Variants in ARHGAP24 observed in about 807,000 individuals in gnomAD.
The protein encoded by ARHGAP24 is rho GTPase-activating protein 24.
In ARHGAP24, 50 loss-of-function variants were observed where a neutral mutation model predicts 76.4. That is an observed-to-expected ratio of 0.65 (90% CI 0.52 to 0.83). The LOEUF (loss-of-function observed/expected upper bound fraction) is 0.83, where lower values mean the gene tolerates loss of function less well. Ranked by LOEUF, ARHGAP24 falls within the 40% of genes least tolerant of loss-of-function variation. The pLI is 0.00. For synonymous variants in ARHGAP24, 345 were observed against 323.3 expected (o/e 1.07, Z -0.72); for missense variants, 930 against 914.2 (o/e 1.02, Z -0.22).
At chr4:85,960,256 G>T (rs542287222) in intron 5 of ARHGAP24, among the ~76,000 whole-genome samples, 5 of 152,032 alleles carry the variant, frequency 3.3e-5, no homozygotes, top group Non-Finnish European at 5.9e-5. Flanking sequence ...TTTAGAAGGC[G>T]GTTTTAAAAT....
intron 3 of ARHGAP24, among the ~76,000 whole-genome samples, chr4:85,791,471 C>T (rs1728122910): frequency 6.6e-6 from 1 of 152,118 alleles, no homozygotes; most frequent in South Asian, 2.1e-4. Flanking sequence ...CAAATATTTC[C>T]ACCTCTCTTC....
chr4:85,905,753 A>G (rs1420235256), intron 3 of ARHGAP24, among the ~76,000 whole-genome samples: 1 of 152,212 alleles, frequency 6.6e-6, no homozygotes, highest in African/African-American at 2.4e-5. Context: ...TTGCCATAGT[A>G]GGACTGTCAG....
At chr4:85,570,372 T>G (rs895349924) in intron 1 of ARHGAP24, 150 bp from the exon 2 acceptor site, 11 of 5,948 alleles carry the variant, frequency 1.8e-3, no homozygotes, top group African/African-American at 0.012. Context: ...TTCTCTTTCT[T>G]TCTTTCTTTC....
At chr4:85,619,891 A>C (rs374709915) in intron 2 of ARHGAP24, among the ~76,000 whole-genome samples, 1 of 151,730 alleles carries the variant, frequency 6.6e-6, no homozygotes. Context: ...ATTTTTTTTC[A>C]AATGCCTTAT....
At chr4:85,966,241 C>G (rs1479103529) in intron 5 of ARHGAP24, among the ~76,000 whole-genome samples, 3 of 152,120 alleles carry the variant, frequency 2.0e-5, no homozygotes, top group Admixed American at 6.6e-5. Flanking sequence ...CCTCCCAGAG[C>G]CCTATCTCCA....
intron 1 of ARHGAP24, among the ~76,000 whole-genome samples, chr4:85,501,170 T>G (rs574870920): frequency 1.9e-4 from 29 of 152,350 alleles, no homozygotes; most frequent in Middle Eastern, 3.4e-3. Flanking sequence ...TTGTGAATAG[T>G]GCCACAATAA....
rs556814000 is a variant in ARHGAP24, at chr4:85,859,274, G to A, written c.269-64374G>A. Among the ~76,000 whole-genome samples, 34 of 151,326 alleles carry A rather than the reference G, an allele frequency of 2.2e-4. No individual in the cohort carries two copies. In the South Asian group the frequency reaches 3.0e-3, roughly 13 times the overall value. ...TGCTTGGGCTGTATGCCTTCCTTGAGAACAGCTTGGTTTCATTCGCTACAG... is the reference window on the plus strand; with the variant it reads ...TGCTTGGGCTGTATGCCTTCCTTGAAAACAGCTTGGTTTCATTCGCTACAG... On this transcript the variant is annotated intron_variant, in intron 3 of 9. Coordinates refer to ENST00000395184, the MANE Select transcript of ARHGAP24 (RefSeq NM_001025616.3).
intron 1 of ARHGAP24, among the ~76,000 whole-genome samples, chr4:85,512,800 A>G (rs915875173): frequency 2.6e-5 from 4 of 152,346 alleles, no homozygotes; most frequent in African/African-American, 9.6e-5. Flanking sequence ...CCATTCTTTG[A>G]TATATGAGAA....
intron 2 of ARHGAP24, among the ~76,000 whole-genome samples, chr4:85,689,934 C>T (rs752706238): frequency 1.5e-5 from 2 of 130,160 alleles, no homozygotes; most frequent in African/African-American, 3.5e-5. Context: ...TCATCTTTGT[C>T]TTGTTCCACT....
chr4:85,747,520 G>A (rs13150566), intron 3 of ARHGAP24, among the ~76,000 whole-genome samples: 76,638 of 151,868 alleles, frequency 0.5, 22,848 homozygotes, highest in Non-Finnish European at 0.69. Context: ...TGGCTAACGC[G>A]GTGAAACCCC....
intron 2 of ARHGAP24, among the ~76,000 whole-genome samples, chr4:85,615,551 T>C (rs1474495583): frequency 6.6e-6 from 1 of 152,170 alleles, no homozygotes; most frequent in Admixed American, 6.5e-5. Flanking sequence ...TTTCCACAAT[T>C]CTCAGTTGAC....
intron 2 of ARHGAP24, among the ~76,000 whole-genome samples, chr4:85,690,274 C>A (rs777717297): frequency 6.6e-6 from 1 of 151,892 alleles, no homozygotes; most frequent in East Asian, 1.9e-4. Flanking sequence ...AAAAAAAATT[C>A]TTTTTTATTG....
chr4:85,999,006 T>C (rs1740846117), intron 9 of ARHGAP24, among the ~76,000 whole-genome samples: 1 of 152,232 alleles, frequency 6.6e-6, no homozygotes, highest in Non-Finnish European at 1.5e-5. Context: ...ACCTTGATGA[T>C]GTATTTTAAA....
At chr4:85,786,833 G>A (rs1003723090) in intron 3 of ARHGAP24, among the ~76,000 whole-genome samples, 2 of 152,212 alleles carry the variant, frequency 1.3e-5, no homozygotes, top group Non-Finnish European at 2.9e-5. Context: ...GCCACATGCA[G>A]GTGGTTTTTC....
chr4:85,683,689 A>G (rs1723315203), intron 2 of ARHGAP24, among the ~76,000 whole-genome samples: 1 of 152,122 alleles, frequency 6.6e-6, no homozygotes, highest in Non-Finnish European at 1.5e-5. Context: ...TGTACAGCAG[A>G]TCTCTAGAGC....
intron 1 of ARHGAP24, among the ~76,000 whole-genome samples, chr4:85,520,823 G>C (rs185351157): frequency 6.6e-6 from 1 of 152,242 alleles, no homozygotes; most frequent in African/African-American, 2.4e-5. Context: ...ATTTTCTACT[G>C]CAAAGAATGA....
intron 2 of ARHGAP24, among the ~76,000 whole-genome samples, chr4:85,672,908 T>C (rs750102325): frequency 3.9e-5 from 6 of 152,204 alleles, no homozygotes; most frequent in Non-Finnish European, 5.9e-5. Context: ...ACCATAGTGG[T>C]GTAATAGCAC....
intron 4 of ARHGAP24, among the ~76,000 whole-genome samples, chr4:85,927,517 T>A (rs529855072): frequency 3.3e-5 from 5 of 152,322 alleles, no homozygotes; most frequent in Non-Finnish European, 5.9e-5. Context: ...TAAAGCTGTT[T>A]AAAAAATTCT....
chr4:85,959,204 G>T (rs760546802), intron 5 of ARHGAP24, among the ~76,000 whole-genome samples: 2 of 152,186 alleles, frequency 1.3e-5, no homozygotes, highest in Non-Finnish European at 2.9e-5. Context: ...ACCATATAGG[G>T]TAACTTCCTG....
Sources: gnomAD v4.1 joint callset for allele counts (sites outside exome capture counted in the v4.1 genomes callset) on GRCh38, gnomAD v4.1.1 for gene constraint, MANE v1.5 for transcripts, NCBI Gene and HGNC (gene_info 2026-07-23, HGNC 2026-07-21) for gene names.